The following NCOA2 variants were observed in gnomAD, a reference collection of about 807,000 sequenced individuals.
NCOA2 encodes the protein class E basic helix-loop-helix protein 75.
Under a neutral mutation model 145.1 loss-of-function variants are expected in NCOA2, and 21 were observed. That is an observed-to-expected ratio of 0.14 (90% confidence interval 0.10 to 0.21). The LOEUF (loss-of-function observed/expected upper bound fraction) is 0.21, where lower values mean the gene tolerates loss of function less well. Among genes scored for constraint, NCOA2 ranks in the 10% least tolerant of loss-of-function variants. The pLI is 1.00. For synonymous variants in NCOA2, 619 were observed against 637.5 expected (o/e 0.97, Z 0.44); for missense variants, 1,472 against 1,837.6 (o/e 0.80, Z 3.64).
the NCOA2 span, among the ~76,000 whole-genome samples, chr8:70,446,241 G>C: frequency 6.6e-6 from 1 of 152,226 alleles, no homozygotes; most frequent in African/African-American, 2.4e-5. Context: ...ACTGGGAGAA[G>C]CAGTAGGGCC....
At chr8:70,335,452 C>T (rs1264505402) in intron 1 of NCOA2, among the ~76,000 whole-genome samples, 1 of 152,164 alleles carries the variant, frequency 6.6e-6, no homozygotes, top group Non-Finnish European at 1.5e-5. Context: ...TGACACAACA[C>T]ACATAACAAA....
chr8:70,366,265 T>C (rs763597514), intron 1 of NCOA2, among the ~76,000 whole-genome samples: 4 of 152,122 alleles, frequency 2.6e-5, no homozygotes, highest in Non-Finnish European at 4.4e-5. Context: ...GTATGTGGAT[T>C]TGAGAAAAGG....
chr8:70,213,222 G>C (rs183100342), intron 4 of NCOA2, among the ~76,000 whole-genome samples: 2 of 151,936 alleles, frequency 1.3e-5, no homozygotes, highest in African/African-American at 4.8e-5. Flanking sequence ...GTTCATACAT[G>C]CCGAATAAAG....
At position 70,133,200 on chromosome 8, in the gene NCOA2, CTT is replaced by C. The variant is rs57813061; in HGVS notation, c.3159-1200_3159-1199del. On this transcript the variant is annotated intron_variant, in intron 15 of 22. Coordinates refer to ENST00000452400, the MANE Select transcript of NCOA2 (RefSeq NM_006540.4). The stretch of plus-strand genomic sequence containing the variant: ...TGTGTGCCACCACAACTGGCTGCTA[CTT>C]TTTTTTTTTTTTTTTTTTGGTAAAG... Among the ~76,000 whole-genome samples the C allele has an allele frequency of 2.4e-4, 26 of 106,950 alleles. 1 individual carries two copies. The highest frequency in any genetic ancestry group is 6.8e-4 in the African/African-American group (17 of 24,860). 70.2% of individuals were successfully genotyped at this position (106,950 alleles called of 152,430 possible). A position where few individuals can be genotyped will look rare whatever the true frequency, so the allele number is the denominator to read the frequency against.
At chr8:70,148,687 C>T (rs1250252858) in intron 11 of NCOA2, among the ~76,000 whole-genome samples, 1 of 152,152 alleles carries the variant, frequency 6.6e-6, no homozygotes, top group African/African-American at 2.4e-5. Flanking sequence ...TCTCTTGGTC[C>T]TCAATTTCCT....
chr8:70,213,769 T>C (rs1205879872), intron 4 of NCOA2, 134 bp downstream of exon 4: 1 of 766,380 alleles, frequency 1.3e-6, no homozygotes, highest in East Asian at 2.7e-5. Context: ...TGCATTCATC[T>C]TACACTGTGA....
chr8:70,116,711 C>T (rs114549859), intron 22 of NCOA2, among the ~76,000 whole-genome samples: 1 of 152,160 alleles, frequency 6.6e-6, no homozygotes, highest in Non-Finnish European at 1.5e-5. Flanking sequence ...AAGGGATATC[C>T]TATACAGATT....
chr8:70,394,294 T>G (rs1265216138), intron 1 of NCOA2, among the ~76,000 whole-genome samples: 1 of 152,198 alleles, frequency 6.6e-6, no homozygotes, highest in Non-Finnish European at 1.5e-5. Flanking sequence ...CAGCTGGGAT[T>G]ACAGGTGCCC....
chr8:70,441,281 T>G, the NCOA2 span, among the ~76,000 whole-genome samples: 8 of 53,004 alleles, frequency 1.5e-4, no homozygotes, highest in African/African-American at 2.3e-4. Context: ...AGGAAAGAAA[T>G]AAAAAAGGAA....
intron 21 of NCOA2, among the ~76,000 whole-genome samples, chr8:70,123,203 T>A (rs1808019217): frequency 6.6e-6 from 1 of 152,248 alleles, no homozygotes; most frequent in Admixed American, 6.5e-5. Context: ...TAAAAAATCA[T>A]TGCCTTCACG....
chr8:70,280,398 G>A (rs914596007), intron 2 of NCOA2, among the ~76,000 whole-genome samples: 1 of 152,138 alleles, frequency 6.6e-6, no homozygotes, highest in African/African-American at 2.4e-5. Flanking sequence ...CATCCTTAGA[G>A]ACGTAAGATA....
intron 4 of NCOA2, among the ~76,000 whole-genome samples, chr8:70,197,104 GA>G (rs1227487721): frequency 6.6e-6 from 1 of 152,088 alleles, no homozygotes; most frequent in African/African-American, 2.4e-5. Flanking sequence ...CGCTGCTAAA[GA>G]AAAAAGTATA....
chr8:70,306,421 C>A (rs1455964790), intron 1 of NCOA2, among the ~76,000 whole-genome samples: 3 of 152,162 alleles, frequency 2.0e-5, no homozygotes, highest in African/African-American at 7.2e-5. Context: ...TGTGAAAGGG[C>A]CTTCTAACTT....
At chr8:70,340,723 A>G (rs1808054534) in intron 1 of NCOA2, among the ~76,000 whole-genome samples, 1 of 152,226 alleles carries the variant, frequency 6.6e-6, no homozygotes, top group South Asian at 2.1e-4. Context: ...AATATGGTAC[A>G]TATAAACCAC....
In NCOA2 at chr8:70,290,124, T is replaced by G. The variant is rs1446116183; in HGVS notation, c.-20+6620A>C. On this transcript the variant is annotated intron_variant, in intron 2 of 22. Coordinates refer to ENST00000452400, the MANE Select transcript of NCOA2 (RefSeq NM_006540.4). ...CGTATACTTCTTACTTTCTCTTTAA[T>G]CTTTGTAGATGAGAAGGCAAAATAT... 3.9e-5 allele frequency among the ~76,000 whole-genome samples: 6 copies of G among 151,940 alleles called. No individual in the cohort carries two copies. The East Asian group carries it at 1.2e-3, about 29-fold the overall frequency.
At chr8:70,374,360 T>C (rs546555792) in intron 1 of NCOA2, among the ~76,000 whole-genome samples, 30 of 151,214 alleles carry the variant, frequency 2.0e-4, no homozygotes, top group African/African-American at 7.1e-4. Flanking sequence ...TAATCTCAGC[T>C]ACTAGGGAGG....
the NCOA2 span, among the ~76,000 whole-genome samples, chr8:70,442,116 GA>G: frequency 1.2e-5 from 1 of 82,350 alleles, no homozygotes; most frequent in African/African-American, 3.4e-5. Context: ...GAGAAAGAAA[GA>G]AGAAAGAAAG....
At chr8:70,369,087 G>C (rs935578309) in intron 1 of NCOA2, among the ~76,000 whole-genome samples, 1 of 152,174 alleles carries the variant, frequency 6.6e-6, no homozygotes, top group Non-Finnish European at 1.5e-5. Flanking sequence ...AGAGTTAACA[G>C]TATGCCTAAA....
At chr8:70,149,913 T>C (rs1268268412) in intron 11 of NCOA2, among the ~76,000 whole-genome samples, 1 of 152,218 alleles carries the variant, frequency 6.6e-6, no homozygotes, top group Non-Finnish European at 1.5e-5. Context: ...ATACATCTAA[T>C]AATGAGTTAC....
Sources: allele counts gnomAD v4.1 joint callset (sites outside exome capture counted in the v4.1 genomes callset), GRCh38; gene constraint gnomAD v4.1.1; transcripts MANE v1.5; gene names NCBI Gene and HGNC (gene_info 2026-07-23, HGNC 2026-07-21).